The following PRORP variants were observed in gnomAD, a reference collection of about 807,000 sequenced individuals.
PRORP encodes the protein mitochondrial ribonuclease P catalytic subunit.
Under a neutral mutation model 59.4 loss-of-function variants are expected in PRORP, and 51 were observed. The observed-to-expected ratio is 0.86, with a 90% CI of 0.69 to 1.08. The LOEUF (loss-of-function observed/expected upper bound fraction) is 1.08, where lower values mean the gene tolerates loss of function less well. Among genes scored for constraint, PRORP ranks in the 50% least tolerant of loss-of-function variants. PRORP has a pLI of 0.00. For synonymous variants in PRORP, 231 were observed against 245.6 expected, an observed-to-expected ratio of 0.94 and a Z score of 0.55; for missense variants, 646 against 690.3, an observed-to-expected ratio of 0.94 and a Z score of 0.72.
chr14:35,267,004 A>G, intron 6 of PRORP, 129 bp downstream of exon 6: 1 of 878,756 alleles, frequency 1.1e-6, no homozygotes, highest in Non-Finnish European at 1.6e-6. Flanking sequence ...AAAAAAAAAA[A>G]AGATTTGAGA....
At chr14:35,262,596 CT>C (rs1205313269) in intron 5 of PRORP, 2 of 722,096 alleles carry the variant, frequency 2.8e-6, no homozygotes, top group Non-Finnish European at 2.6e-6. Context: ...TAGATTCAGT[CT>C]TCTTGGAAAG....
intron 5 of PRORP, among the ~76,000 whole-genome samples, chr14:35,263,903 C>T (rs1467987740): frequency 6.6e-6 from 1 of 151,754 alleles, no homozygotes; most frequent in Non-Finnish European, 1.5e-5. Flanking sequence ...AAGGTAATTA[C>T]CTGCTTGAGT....
At chr14:35,249,047 T>C (rs935290756) in intron 5 of PRORP, among the ~76,000 whole-genome samples, 1 of 152,216 alleles carries the variant, frequency 6.6e-6, no homozygotes, top group Non-Finnish European at 1.5e-5. Context: ...TCATCAATCA[T>C]TGTCTTTTTC....
chr14:35,172,446 TTCC>T (rs2048336613), intron 4 of PRORP, among the ~76,000 whole-genome samples: 2 of 118,998 alleles, frequency 1.7e-5, no homozygotes, highest in Admixed American at 9.5e-5. Flanking sequence ...CCTTCCTTCC[TTCC>T]TTCCTTCTTT....
chr14:35,261,002 C>A lies in PRORP; in HGVS notation c.1276-5725C>A, dbSNP rs2050890505. ...CCCAGCCAACTCTATTTGTTTTATA[C>A]ATACACAGACTCACACACATACACA... On this transcript the variant is annotated intron_variant, in intron 5 of 7. Transcript: ENST00000534898. Among the ~76,000 whole-genome samples, 3 of 152,196 alleles carry A rather than the reference C, an allele frequency of 2.0e-5. No homozygotes were observed. In the South Asian group the frequency reaches 6.2e-4, roughly 32 times the overall value.
At chr14:35,188,938 G>A (rs1247127260) in intron 5 of PRORP, among the ~76,000 whole-genome samples, 2 of 68,960 alleles carry the variant, frequency 2.9e-5, no homozygotes, top group Non-Finnish European at 5.1e-5. Flanking sequence ...GCAAGACTCT[G>A]TCTAAAAAAA....
At chr14:35,130,675 G>T (rs1042159230) in intron 4 of PRORP, among the ~76,000 whole-genome samples, 4 of 151,680 alleles carry the variant, frequency 2.6e-5, no homozygotes, top group Non-Finnish European at 5.9e-5. Context: ...GTAGAGACAG[G>T]GTTTCACCAT....
At chr14:35,218,819 C>T (rs1458584824) in intron 5 of PRORP, among the ~76,000 whole-genome samples, 1 of 152,098 alleles carries the variant, frequency 6.6e-6, no homozygotes, top group Non-Finnish European at 1.5e-5. Flanking sequence ...AGCCACCACG[C>T]CTGGCCAATT....
intron 5 of PRORP, among the ~76,000 whole-genome samples, chr14:35,190,343 A>G (rs1431429422): frequency 1.3e-5 from 2 of 151,708 alleles, no homozygotes; most frequent in Admixed American, 1.3e-4. Flanking sequence ...GGTTGCAGTG[A>G]GTCGAGATCG....
intron 4 of PRORP, among the ~76,000 whole-genome samples, chr14:35,134,162 G>A (rs891291395): frequency 6.6e-6 from 1 of 152,198 alleles, no homozygotes; most frequent in African/African-American, 2.4e-5. Flanking sequence ...GTGTTCTGTT[G>A]TATTGTGGCT....
intron 5 of PRORP, among the ~76,000 whole-genome samples, chr14:35,191,129 T>A (rs1490182581): frequency 6.6e-6 from 1 of 152,100 alleles, no homozygotes; most frequent in African/African-American, 2.4e-5. Context: ...GAATTGTAGC[T>A]CCCATAATTC....
At chr14:35,176,744 G>T (rs1374609223) in intron 4 of PRORP, among the ~76,000 whole-genome samples, 4 of 152,052 alleles carry the variant, frequency 2.6e-5, no homozygotes, top group African/African-American at 9.7e-5. Flanking sequence ...TCTTTCTCCT[G>T]CCTGATTGTC....
chr14:35,252,759 AT>A (rs1364654003), intron 5 of PRORP, among the ~76,000 whole-genome samples: 3 of 152,148 alleles, frequency 2.0e-5, no homozygotes, highest in African/African-American at 7.2e-5. Context: ...AAAACAGAAA[AT>A]ATCAGGATGA....
chr14:35,154,532 C>T (rs888494077), intron 4 of PRORP, among the ~76,000 whole-genome samples: 1 of 152,010 alleles, frequency 6.6e-6, no homozygotes, highest in Admixed American at 6.6e-5. Flanking sequence ...AAATATCAAA[C>T]CTGAATCTAG....
chr14:35,218,458 C>CT lies in PRORP; in HGVS notation c.1275+37682dup, dbSNP rs201732530. 4.4e-3 allele frequency among the ~76,000 whole-genome samples: 37 copies of CT among 8,356 alleles called. 1 individual carries two copies. The highest frequency in any genetic ancestry group is 9.2e-3 in the African/African-American group (25 of 2,716). The allele number at this position is 8,356 out of a possible 152,430, so 5.5% of individuals were successfully genotyped here. On this transcript the variant is annotated intron_variant, in intron 5 of 7. Transcript: ENST00000534898. ...CCTGGGCAACAGAGCAAGATCCTGT[C>CT]TAAAAAAAGAAAAAAAAAAAAAAAA... is the stretch of plus-strand genomic sequence containing the variant.
intron 5 of PRORP, among the ~76,000 whole-genome samples, chr14:35,205,626 C>A (rs2049273335): frequency 6.6e-6 from 1 of 152,204 alleles, no homozygotes; most frequent in Non-Finnish European, 1.5e-5. Context: ...CCAGTGATAT[C>A]TGCTCTATTA....
At chr14:35,228,984 A>G (rs920482704) in intron 5 of PRORP, among the ~76,000 whole-genome samples, 1 of 152,100 alleles carries the variant, frequency 6.6e-6, no homozygotes, top group East Asian at 1.9e-4. Context: ...AACAATATCC[A>G]TTCTGACTGG....
rs894819283 is a variant in PRORP, at chr14:35,233,402, A to T, written c.1276-33325A>T. ...TTCAGTGCACAGCCAGCTTAGTTCT[A>T]TACAGTAGTCTTATCTACTGTGCTT... On this transcript the variant is annotated intron_variant, in intron 5 of 7. Transcript: ENST00000534898. Among the ~76,000 whole-genome samples the T allele has an allele frequency of 1.5e-4, 23 of 150,338 alleles. 1 individual carries two copies. The highest frequency in any genetic ancestry group is 5.1e-4 in the African/African-American group (21 of 40,904).
intron 5 of PRORP, among the ~76,000 whole-genome samples, chr14:35,188,756 T>A (rs2048806299): frequency 6.6e-6 from 1 of 151,626 alleles, no homozygotes; most frequent in African/African-American, 2.4e-5. Context: ...GACAGGCAGA[T>A]CACGAGGTCA....
Sources: allele counts gnomAD v4.1 joint callset (sites outside exome capture counted in the v4.1 genomes callset), GRCh38; gene constraint gnomAD v4.1.1; transcripts MANE v1.5; gene names NCBI Gene and HGNC (gene_info 2026-07-23, HGNC 2026-07-21).